Variants in AP3B1 observed in about 807,000 individuals in gnomAD.
The protein encoded by AP3B1 is AP-3 complex subunit beta-1.
Under a neutral mutation model 132.5 loss-of-function variants are expected in AP3B1, and 61 were observed. The ratio of observed to expected loss-of-function variants is 0.46; its 90% CI spans 0.37 to 0.57. The LOEUF (loss-of-function observed/expected upper bound fraction) is 0.57, where lower values mean the gene tolerates loss of function less well. Ranked by LOEUF, AP3B1 falls within the 20% of genes least tolerant of loss-of-function variation. AP3B1 has a pLI of 0.00. For synonymous variants in AP3B1, 388 were observed against 438.3 expected (o/e 0.89, Z 1.43); for missense variants, 1,120 against 1,289.4 (o/e 0.87, Z 2.01).
intron 1 of AP3B1, among the ~76,000 whole-genome samples, chr5:78,271,909 T>C (rs1355162087): frequency 6.6e-6 from 1 of 152,244 alleles, no homozygotes; most frequent in Non-Finnish European, 1.5e-5. Context: ...AAGCAGCCTT[T>C]TGTGGAAGAA....
intron 1 of AP3B1, among the ~76,000 whole-genome samples, chr5:78,276,971 G>A (rs1009918019): frequency 7.8e-5 from 11 of 140,674 alleles, no homozygotes; most frequent in Non-Finnish European, 6.5e-5. Context: ...CAGAATGCTA[G>A]GAAAAAAAAA....
intron 22 of AP3B1, among the ~76,000 whole-genome samples, chr5:78,079,909 G>C (rs529638751): frequency 4.6e-5 from 7 of 152,234 alleles, no homozygotes; most frequent in African/African-American, 1.4e-4. Context: ...TGCAAGTATG[G>C]TTTTAAACAT....
rs146017276 is a variant in AP3B1 at position 78,142,424 on chromosome 5, G to C, written c.1474-1105C>G. 2.4e-3 allele frequency among the ~76,000 whole-genome samples: 359 copies of C among 152,216 alleles called. 1 individual carries two copies. The highest frequency in any genetic ancestry group is 8.2e-3 in the African/African-American group (339 of 41,554). ...AAAAGGCTGACAGCTATCATTAAAA[G>C]GTGGCATCACGAGGAAAGATAATGT... On this transcript the variant is annotated intron_variant, in intron 14 of 26. Coordinates refer to ENST00000255194, the MANE Select transcript of AP3B1 (RefSeq NM_003664.5).
At chr5:78,215,927 G>T in intron 7 of AP3B1, 128 bp downstream of exon 7, 1 of 828,522 alleles carries the variant, frequency 1.2e-6, no homozygotes, top group Non-Finnish European at 2.0e-6. Flanking sequence ...AAAAGAACAA[G>T]AGACAAATGA....
intron 11 of AP3B1, among the ~76,000 whole-genome samples, chr5:78,167,485 TAGGTATCTACCC>T (rs1743685136): frequency 1.3e-5 from 2 of 152,182 alleles, no homozygotes; most frequent in Admixed American, 1.3e-4. Context: ...ATCCCACCAG[TAGGTATCTACCC>T]AGAGGAAAAG....
At chr5:78,059,908 G>A (rs1363307344) in intron 22 of AP3B1, among the ~76,000 whole-genome samples, 1 of 152,014 alleles carries the variant, frequency 6.6e-6, no homozygotes, top group Non-Finnish European at 1.5e-5. Context: ...TAAGCAAAGG[G>A]GATTATTATT....
chr5:78,163,112 G>A (rs1205391705), intron 12 of AP3B1, among the ~76,000 whole-genome samples, 161 bp from the exon 13 acceptor site: 2 of 152,104 alleles, frequency 1.3e-5, no homozygotes, highest in Admixed American at 6.6e-5. Flanking sequence ...ATTTCATTTT[G>A]TTTTGATTTT....
intron 20 of AP3B1, among the ~76,000 whole-genome samples, chr5:78,104,234 T>C (rs1751243211): frequency 6.6e-6 from 1 of 152,150 alleles, no homozygotes; most frequent in Non-Finnish European, 1.5e-5. Flanking sequence ...AACTGACAAA[T>C]ATGATTTTAA....
rs149211868 is a variant in AP3B1 at position 78,073,169 on chromosome 5, T to G, written c.2577+16224A>C. Among the ~76,000 whole-genome samples, 530 of 152,338 alleles carry G rather than the reference T, an allele frequency of 3.5e-3. 2 individuals carry two copies. Among genetic ancestry groups the G allele is most frequent in the African/African-American group, 0.012 (507 of 41,578 alleles). ...TGTATTCTACAGCTAAATTCGTTTC[T>G]CTTCCTTCGAAGAGAAATAAAGGTT... On this transcript the variant is annotated intron_variant, in intron 22 of 26. Transcript: ENST00000255194.
At chr5:78,294,312 C>A in intron 1 of AP3B1, 140 bp downstream of exon 1, 2 of 1,247,358 alleles carry the variant, frequency 1.6e-6, no homozygotes, top group South Asian at 2.7e-5. Flanking sequence ...CACCTACCCA[C>A]CCGCGGGACA....
chr5:78,120,252 A>T (rs971975113), intron 17 of AP3B1, among the ~76,000 whole-genome samples: 5 of 152,274 alleles, frequency 3.3e-5, no homozygotes, highest in Non-Finnish European at 7.3e-5. Flanking sequence ...CAAAATGTAA[A>T]GACCATCAAG....
chr5:78,107,552 G>T (rs1405624992), intron 20 of AP3B1, among the ~76,000 whole-genome samples: 1 of 152,136 alleles, frequency 6.6e-6, no homozygotes, highest in Non-Finnish European at 1.5e-5. Flanking sequence ...AACAAAACAA[G>T]ACCAAAAGGA....
chr5:78,214,957 C>G (rs1745896235), intron 7 of AP3B1, among the ~76,000 whole-genome samples: 1 of 152,024 alleles, frequency 6.6e-6, no homozygotes, highest in African/African-American at 2.4e-5. Flanking sequence ...ATCAGTATTA[C>G]TGTCTTGTGG....
chr5:78,156,241 T>A lies in AP3B1; in HGVS notation c.1473+17A>T, dbSNP rs1230089448. The A allele has an allele frequency of 1.3e-6, 2 of 1,551,002 alleles. No individual in the cohort carries two copies. The highest frequency in any genetic ancestry group is 4.5e-5 in the East Asian group (2 of 44,530). On this transcript the variant is annotated intron_variant, in intron 14 of 26. Transcript: ENST00000255194. ...TACTGAATAAAATTCAGCAAACATCTCTTAATTGATACTCACAGTGATACT... is the reference window on the plus strand; with the variant it reads ...TACTGAATAAAATTCAGCAAACATCACTTAATTGATACTCACAGTGATACT...
At chr5:78,261,023 T>C (rs1364370661) in intron 2 of AP3B1, among the ~76,000 whole-genome samples, 1 of 152,228 alleles carries the variant, frequency 6.6e-6, no homozygotes, top group African/African-American at 2.4e-5. Context: ...GATGAGCACA[T>C]GGGTTGTTTC....
intron 13 of AP3B1, among the ~76,000 whole-genome samples, chr5:78,160,940 G>T (rs1743362997): frequency 6.6e-6 from 1 of 151,692 alleles, no homozygotes; most frequent in Non-Finnish European, 1.5e-5. Context: ...ATGGGCTAAT[G>T]ATGATTATGC....
intron 22 of AP3B1, among the ~76,000 whole-genome samples, chr5:78,063,126 T>A (rs557019889): frequency 6.6e-6 from 1 of 152,348 alleles, no homozygotes; most frequent in South Asian, 2.1e-4. Context: ...ATGCTTGGGT[T>A]AATGTAAATA....
intron 1 of AP3B1, among the ~76,000 whole-genome samples, chr5:78,279,937 G>A (rs1580586647): frequency 1.0e-5 from 1 of 96,196 alleles, no homozygotes; most frequent in African/African-American, 3.3e-5. Flanking sequence ...TATTAGCCAG[G>A]CATGGTGGTG....
At chr5:78,101,306 C>T (rs1273538388) in intron 20 of AP3B1, 2 of 459,190 alleles carry the variant, frequency 4.4e-6, no homozygotes, top group African/African-American at 4.0e-5. Context: ...AATCGGACAA[C>T]TTCTTGCTAA....
Sources: allele counts gnomAD v4.1 joint callset (sites outside exome capture counted in the v4.1 genomes callset), GRCh38; gene constraint gnomAD v4.1.1; transcripts MANE v1.5; gene names NCBI Gene and HGNC (gene_info 2026-07-23, HGNC 2026-07-21).